Variants in VDAC1 observed in about 807,000 individuals in gnomAD.
VDAC1 encodes voltage dependent anion channel 1, also known as non-selective voltage-gated ion channel VDAC1.
A neutral mutation model predicts 34.7 loss-of-function variants in VDAC1; 10 were observed. The ratio of observed to expected loss-of-function variants is 0.29; its 90% CI spans 0.18 to 0.49. The LOEUF (loss-of-function observed/expected upper bound fraction) is 0.49. Among genes scored for constraint, VDAC1 ranks in the 20% least tolerant of loss-of-function variants. VDAC1 has a pLI of 0.99. For missense variants in VDAC1, 230 were observed against 347.9 expected, an observed-to-expected ratio of 0.66 and a Z score of 2.69; for synonymous variants, 130 against 136.0, an observed-to-expected ratio of 0.96 and a Z score of 0.30.
At chr5:134,007,242 CAAAAAAAA>C (rs56702014), upstream of VDAC1, among the ~76,000 whole-genome samples, 5 of 120,228 alleles carry the variant, frequency 4.2e-5, no homozygotes, top group African/African-American at 1.6e-4. Context: ...GAAACTCTGC[CAAAAAAAA>C]AAAAAAAGAA....
the VDAC1 span, among the ~76,000 whole-genome samples, chr5:134,067,506 T>C: frequency 6.6e-6 from 1 of 151,272 alleles, no homozygotes; most frequent in East Asian, 1.9e-4. Context: ...TTTTAACTTA[T>C]AGAATTGTCT....
intron 1 of VDAC1, among the ~76,000 whole-genome samples, chr5:133,997,707 CAAAAAAAAAAA>C (rs67591375): frequency 5.1e-5 from 3 of 58,372 alleles, no homozygotes; most frequent in South Asian, 1.7e-3. Flanking sequence ...GACTGTCTCA[CAAAAAAAAAAA>C]AAAAAAAAAA....
chr5:133,991,962 C>T (rs1463153258), intron 3 of VDAC1, among the ~76,000 whole-genome samples: 4 of 152,118 alleles, frequency 2.6e-5, no homozygotes, highest in Non-Finnish European at 5.9e-5. Flanking sequence ...ATAAGCCAGG[C>T]GCAGTGGCTC....
At chr5:134,040,751 G>A in the VDAC1 span, among the ~76,000 whole-genome samples, 1 of 152,152 alleles carries the variant, frequency 6.6e-6, no homozygotes, top group Non-Finnish European at 1.5e-5. Context: ...AAAATAAAAA[G>A]AGCAGTTGAT....
At chr5:134,074,354 A>C in the VDAC1 span, among the ~76,000 whole-genome samples, 1 of 136,618 alleles carries the variant, frequency 7.3e-6, no homozygotes, top group Non-Finnish European at 1.6e-5. Context: ...ATAAATAAAT[A>C]AAAGCTTTGA....
the VDAC1 span, among the ~76,000 whole-genome samples, chr5:134,108,994 A>G: frequency 6.6e-6 from 1 of 152,218 alleles, no homozygotes; most frequent in Non-Finnish European, 1.5e-5. Context: ...TAAAACAGCC[A>G]GGAGGGTTTC....
the VDAC1 span, among the ~76,000 whole-genome samples, chr5:134,014,717 T>G: frequency 2.6e-5 from 4 of 152,070 alleles, no homozygotes; most frequent in East Asian, 7.7e-4. Context: ...AATACAAAAA[T>G]TAGCCGGGCA....
chr5:134,027,202 G>A, the VDAC1 span, among the ~76,000 whole-genome samples: 1 of 152,156 alleles, frequency 6.6e-6, no homozygotes, highest in African/African-American at 2.4e-5. Context: ...AGATTCTCAA[G>A]AGTCAATGGC....
chr5:134,011,336 T>G, the VDAC1 span, among the ~76,000 whole-genome samples: 4 of 152,142 alleles, frequency 2.6e-5, no homozygotes, highest in Non-Finnish European at 4.4e-5. Flanking sequence ...TTTGTTTTTT[T>G]GCTTGTTGAA....
At chr5:134,079,997 T>C in the VDAC1 span, among the ~76,000 whole-genome samples, 1 of 152,344 alleles carries the variant, frequency 6.6e-6, no homozygotes, top group East Asian at 1.9e-4. Context: ...CGGTGGGGGC[T>C]TCTCACAATT....
chr5:134,075,286 T>TATTCACACTGCCATTCACACTGCC, the VDAC1 span, among the ~76,000 whole-genome samples: 2 of 151,552 alleles, frequency 1.3e-5, no homozygotes, highest in Non-Finnish European at 2.9e-5. Context: ...ATCTGCATGC[T>TATTCACACTGCCATTCACACTGCC]ATTCACACTG....
At chr5:134,096,463 C>A in the VDAC1 span, among the ~76,000 whole-genome samples, 1 of 152,232 alleles carries the variant, frequency 6.6e-6, no homozygotes, top group Non-Finnish European at 1.5e-5. Context: ...GGGCTCTCAG[C>A]ATTATCCAAT....
chr5:134,085,506 T>A, the VDAC1 span, among the ~76,000 whole-genome samples: 1 of 151,966 alleles, frequency 6.6e-6, no homozygotes, highest in African/African-American at 2.4e-5. Flanking sequence ...GGGTTCTTTC[T>A]GCAGCTGCTG....
At chr5:134,022,508 A>G in the VDAC1 span, among the ~76,000 whole-genome samples, 3 of 152,228 alleles carry the variant, frequency 2.0e-5, no homozygotes, top group Non-Finnish European at 2.9e-5. Context: ...ATTTCCCAAA[A>G]TAACAAGATA....
chr5:134,093,905 C>T, the VDAC1 span, among the ~76,000 whole-genome samples: 1 of 152,210 alleles, frequency 6.6e-6, no homozygotes, highest in Non-Finnish European at 1.5e-5. Context: ...TGGGCCTTTC[C>T]CTATTCTGGG....
the VDAC1 span, among the ~76,000 whole-genome samples, chr5:134,073,851 T>C: frequency 6.6e-6 from 1 of 152,324 alleles, no homozygotes; most frequent in East Asian, 1.9e-4. Flanking sequence ...AAATTATTTT[T>C]GTATCTACAT....
the VDAC1 span, among the ~76,000 whole-genome samples, chr5:134,025,009 G>C: frequency 6.6e-6 from 1 of 152,370 alleles, no homozygotes; most frequent in South Asian, 2.1e-4. Context: ...ACATGGAGCA[G>C]CATGGTGAAG....
chr5:134,094,925 A>G, the VDAC1 span, among the ~76,000 whole-genome samples: 2 of 152,176 alleles, frequency 1.3e-5, no homozygotes, highest in African/African-American at 2.4e-5. Flanking sequence ...AATGTCTTCA[A>G]TTTAACCAAG....
the VDAC1 span, among the ~76,000 whole-genome samples, chr5:134,034,498 A>C: frequency 6.6e-6 from 1 of 152,210 alleles, no homozygotes; most frequent in Non-Finnish European, 1.5e-5. Flanking sequence ...CGACGCGTCC[A>C]CTAGCCCGGG....
Sources: allele counts gnomAD v4.1 joint callset (sites outside exome capture counted in the v4.1 genomes callset), GRCh38; gene constraint gnomAD v4.1.1; transcripts MANE v1.5; gene names NCBI Gene and HGNC (gene_info 2026-07-23, HGNC 2026-07-21).